Variants in MAP3K14 observed in about 807,000 individuals in gnomAD.
MAP3K14 encodes the protein NF-kappa-beta-inducing kinase.
A neutral mutation model predicts 99.2 loss-of-function variants in MAP3K14; 16 were observed. The observed-to-expected ratio is 0.16, with a 90% CI of 0.11 to 0.24. MAP3K14 has a LOEUF of 0.24. MAP3K14 is among the 10% of genes least tolerant of loss of function. MAP3K14 has a pLI of 1.00. For missense variants in MAP3K14, 784 were observed against 1,208.7 expected (o/e 0.65, Z 5.21); for synonymous variants, 462 against 492.4 (o/e 0.94, Z 0.82).
intron 1 of MAP3K14, among the ~76,000 whole-genome samples, chr17:45,295,584 A>G (rs2044340792): frequency 6.6e-6 from 1 of 152,218 alleles, no homozygotes; most frequent in Admixed American, 6.5e-5. Flanking sequence ...ATTTTCAGAC[A>G]TGAAGATATG....
chr17:45,264,559 CTG>C lies in MAP3K14; in HGVS notation c.*75_*76del, dbSNP rs1336377222. ...GGCAGATCCCTGGGAACGGCTGAGC[CTG>C]TGTTTCAGGGCAGCATCGTGCACCG... On this transcript the variant is annotated 3_prime_UTR_variant, in exon 16 of 16. Transcript: ENST00000344686. 1 of 1,446,496 alleles carries C rather than the reference CTG, an allele frequency of 6.9e-7. No individual in the cohort carries two copies. Among genetic ancestry groups the C allele is most frequent in the Non-Finnish European group, 9.1e-7 (1 of 1,094,044 alleles). 89.6% of individuals were successfully genotyped at this position (1,446,496 alleles called of 1,614,324 possible). A position where few individuals can be genotyped will look rare whatever the true frequency, so the allele number is the denominator to read the frequency against.
Position 45,290,641 on chromosome 17 carries a change from T to C in MAP3K14, c.105A>G (p.Lys35=). 1 of 1,613,524 alleles carries C rather than the reference T, an allele frequency of 6.2e-7. No homozygotes were observed. The highest frequency in any genetic ancestry group is 8.5e-7 in the Non-Finnish European group (1 of 1,179,836). The change falls in exon 2 of 16, where the codon AAA becomes AAG. Residue 35 remains lysine (K), a synonymous_variant. Coordinates refer to ENST00000344686, the MANE Select transcript of MAP3K14 (RefSeq NM_003954.5). ...CCTCAAGCTTGTAGACGGAGCTCTG[T>C]TTCTTCCCCAGTGGCGGCGTCTTCT... ...AKEKTPPLGK[K]QSSVYKLEAV... is the part of the protein sequence containing the mutation.
At chr17:45,314,027 A>G (rs1353320716) in intron 1 of MAP3K14, among the ~76,000 whole-genome samples, 2 of 152,230 alleles carry the variant, frequency 1.3e-5, no homozygotes, top group Non-Finnish European at 1.5e-5. Context: ...AGGGATTTCT[A>G]TCAGGGAGCT....
At chr17:45,297,375 A>AG (rs1168024374) in intron 1 of MAP3K14, among the ~76,000 whole-genome samples, 1 of 152,252 alleles carries the variant, frequency 6.6e-6, no homozygotes. Context: ...CTTACTGATG[A>AG]GGGGTCTTGT....
intron 1 of MAP3K14, among the ~76,000 whole-genome samples, chr17:45,294,940 T>C (rs1043800218): frequency 3.3e-5 from 5 of 152,240 alleles, no homozygotes; most frequent in African/African-American, 7.2e-5. Context: ...ATGTCCAGCA[T>C]TGCAGAAAGT....
At position 45,305,396 on chromosome 17, in the gene MAP3K14, GT is replaced by G. The variant is rs35851298; in HGVS notation, c.-21+11563del. Among the ~76,000 whole-genome samples the G allele has an allele frequency of 5.0e-3, 564 of 113,934 alleles. 1 individual carries two copies. The highest frequency in any genetic ancestry group is 7.6e-3 in the Non-Finnish European group (425 of 56,166). 74.7% of individuals were successfully genotyped at this position (113,934 alleles called of 152,430 possible). ...CAGGCGTGAGCCACAGCGCCCGGCCGTTTTTTTTTTTTTTTTTGTGAGACAG... is the reference window on the plus strand; with the variant it reads ...CAGGCGTGAGCCACAGCGCCCGGCCGTTTTTTTTTTTTTTTTGTGAGACAG... On this transcript the variant is annotated intron_variant, in intron 1 of 15. Coordinates refer to ENST00000344686, the MANE Select transcript of MAP3K14 (RefSeq NM_003954.5).
Position 45,309,369 on chromosome 17 carries a change from C to T in MAP3K14, c.-21+7591G>A, listed in dbSNP as rs779575412. ...TGGGCTGCGCATGGTGGCCTCCTCG[C>T]TCCCTCCAGCTCCTATAGTCATGGC... On this transcript the variant is annotated intron_variant, in intron 1 of 15. Transcript: ENST00000344686. Among the ~76,000 whole-genome samples the T allele has an allele frequency of 4.4e-4, 67 of 152,246 alleles. 1 individual carries two copies. Among genetic ancestry groups the T allele is most frequent in the Non-Finnish European group, 1.2e-4 (8 of 68,048 alleles).
intron 2 of MAP3K14, among the ~76,000 whole-genome samples, chr17:45,290,276 G>A (rs559569187): frequency 2.0e-5 from 3 of 152,266 alleles, no homozygotes; most frequent in South Asian, 2.1e-4. Context: ...CTCCAGTCAC[G>A]ATGGGCACAG....
chr17:45,273,947 G>T (rs2044159680), intron 8 of MAP3K14, 176 bp downstream of exon 8: 1 of 784,628 alleles, frequency 1.3e-6, no homozygotes, highest in Non-Finnish European at 2.0e-6. Context: ...AAACTACAGT[G>T]CTTGGCTAAG....
chr17:45,302,479 T>C (rs1185760588), intron 1 of MAP3K14, among the ~76,000 whole-genome samples: 1 of 152,110 alleles, frequency 6.6e-6, no homozygotes, highest in Non-Finnish European at 1.5e-5. Flanking sequence ...GGCTAATTTT[T>C]CTATTTTTAG....
intron 1 of MAP3K14, among the ~76,000 whole-genome samples, chr17:45,294,521 TC>T (rs1163681536): frequency 6.6e-6 from 1 of 152,194 alleles, no homozygotes; most frequent in Non-Finnish European, 1.5e-5. Context: ...GATCTGCCAT[TC>T]CCCAGAAGGT....
intron 1 of MAP3K14, among the ~76,000 whole-genome samples, chr17:45,310,855 G>T (rs2044471257): frequency 6.6e-6 from 1 of 152,146 alleles, no homozygotes; most frequent in Admixed American, 6.5e-5. Flanking sequence ...TGAACCTCAT[G>T]GTATAAGACA....
At chr17:45,305,263 A>T (rs919856444) in intron 1 of MAP3K14, among the ~76,000 whole-genome samples, 2 of 151,708 alleles carry the variant, frequency 1.3e-5, no homozygotes, top group Non-Finnish European at 2.9e-5. Context: ...CGCTCAGCTA[A>T]TTTTTTGTAT....
intron 1 of MAP3K14, among the ~76,000 whole-genome samples, chr17:45,311,175 C>T (rs2044475211): frequency 6.6e-6 from 1 of 152,194 alleles, no homozygotes; most frequent in Non-Finnish European, 1.5e-5. Context: ...TGCATTTTCT[C>T]ACTGCAAAAA....
chr17:45,293,635 C>T (rs969523775), intron 1 of MAP3K14, among the ~76,000 whole-genome samples: 4 of 152,188 alleles, frequency 2.6e-5, no homozygotes, highest in African/African-American at 7.2e-5. Context: ...AACAGGCTGA[C>T]CCTCACCTCT....
rs1344800351 is a variant in MAP3K14, at chr17:45,267,692, G to A, written c.2040C>T (p.Ala680=). 3 of 1,613,790 alleles carry A rather than the reference G, an allele frequency of 1.9e-6. No individual in the cohort carries two copies. The highest frequency in any genetic ancestry group is 2.2e-5 in the South Asian group (2 of 91,086). The change falls in exon 12 of 16, where the codon GCC becomes GCT. Residue 680 remains alanine (A), a synonymous_variant. Coordinates refer to ENST00000344686, the MANE Select transcript of MAP3K14 (RefSeq NM_003954.5). This position sits in a 1 kb window ranked among gnomAD's most constrained non-coding sequence, Gnocchi z 5.1. ...GGGCATGGAGGGTCTGGTGGTAATTGGCTTGATTTGGCGGTGGATGTCTTG... is the reference window on the plus strand; with the variant it reads ...GGGCATGGAGGGTCTGGTGGTAATTAGCTTGATTTGGCGGTGGATGTCTTG... ...KEPRHPPPNQ[A]NYHQTLHAQP...
chr17:45,300,872 C>A (rs2044382829), intron 1 of MAP3K14, among the ~76,000 whole-genome samples: 1 of 151,980 alleles, frequency 6.6e-6, no homozygotes, highest in Non-Finnish European at 1.5e-5. Flanking sequence ...AAAGCATAAT[C>A]AAAAATGTTT....
At chr17:45,264,852 A>C in intron 15 of MAP3K14, 52 bp from the exon 16 acceptor site, 1 of 1,579,916 alleles carries the variant, frequency 6.3e-7, no homozygotes, top group Non-Finnish European at 8.6e-7. Context: ...GGCTCAAGCC[A>C]TGTAGAAAGG....
Position 45,267,699 on chromosome 17 carries a change from T to C in MAP3K14, c.2033A>G (p.Asn678Ser), listed in dbSNP as rs369529527. The C allele has an allele frequency of 1.2e-6, 2 of 1,613,846 alleles. No individual in the cohort carries two copies. Among genetic ancestry groups the C allele is most frequent in the Non-Finnish European group, 1.7e-6 (2 of 1,179,854 alleles). Residue 678 changes from asparagine (N) to serine (S), a missense_variant, in exon 12 of 16, where the codon AAT (asparagine) becomes AGT (serine). This residue lies in a region of MAP3K14 where 128 missense variants were observed against 143.3 expected (regional missense o/e 0.89). Transcript: ENST00000344686. The surrounding 1 kb of genome is among the most constrained non-coding windows in gnomAD (Gnocchi z 5.1). ...EYKEPRHPPP[N>S]QANYHQTLHA... ...GAGGGTCTGGTGGTAATTGGCTTGA[T>C]TTGGCGGTGGATGTCTTGGTTCTTT... is the stretch of plus-strand genomic sequence containing the variant.
Sources: gnomAD v4.1 joint callset for allele counts (sites outside exome capture counted in the v4.1 genomes callset) on GRCh38, gnomAD v4.1.1 for gene constraint, gnomAD v4.1.1 regional missense constraint, Gnocchi (gnomAD v3.1) non-coding constraint, MANE v1.5 for transcripts, NCBI Gene and HGNC (gene_info 2026-07-23, HGNC 2026-07-21) for gene names.